The following TICRR variants were observed in gnomAD, a reference collection of about 807,000 sequenced individuals.
TICRR encodes the protein treslin.
TICRR carries 132 observed loss-of-function variants against 178.1 expected under a neutral mutation model. That is an observed-to-expected ratio of 0.74 (90% CI 0.64 to 0.86). The LOEUF (loss-of-function observed/expected upper bound fraction) is 0.86. Among genes scored for constraint, TICRR ranks in the 40% least tolerant of loss-of-function variants. The pLI is 0.00. For synonymous variants in TICRR, 991 were observed against 900.7 expected, an observed-to-expected ratio of 1.10 and a Z score of -1.79; for missense variants, 2,587 against 2,334.3, an observed-to-expected ratio of 1.11 and a Z score of -2.23.
In TICRR at chr15:89,616,982, TG is replaced by T. The variant is rs146701842; in HGVS notation, c.2960+488del. On this transcript the variant is annotated intron_variant, in intron 16 of 21. Coordinates refer to ENST00000268138, the MANE Select transcript of TICRR (RefSeq NM_152259.4). ...GAGAGCTCTCCTTCCTTGGGGCATCTGTAGTTTGCTCCTGGTATACCTGGGT... is the reference window on the plus strand; with the variant it reads ...GAGAGCTCTCCTTCCTTGGGGCATCTTAGTTTGCTCCTGGTATACCTGGGT... Among the ~76,000 whole-genome samples the T allele has an allele frequency of 5.2e-3, 795 of 152,310 alleles. 4 individuals carry two copies. The highest frequency in any genetic ancestry group is 0.018 in the African/African-American group (754 of 41,560).
chr15:89,614,708 T>C (rs1176653440), intron 15 of TICRR, among the ~76,000 whole-genome samples: 2 of 152,260 alleles, frequency 1.3e-5, no homozygotes, highest in Non-Finnish European at 1.5e-5. Context: ...GTTATTGTTT[T>C]TGTTTAGTCA....
intron 4 of TICRR, among the ~76,000 whole-genome samples, chr15:89,586,862 C>T (rs549379476): frequency 6.6e-6 from 1 of 152,136 alleles, no homozygotes; most frequent in African/African-American, 2.4e-5. Context: ...CAGGGCTTTA[C>T]AGGCACTGAA....
Sources: allele counts gnomAD v4.1 joint callset (sites outside exome capture counted in the v4.1 genomes callset), GRCh38; gene constraint gnomAD v4.1.1; transcripts MANE v1.5; gene names NCBI Gene and HGNC (gene_info 2026-07-23, HGNC 2026-07-21).